The following LIPE variants were observed in gnomAD, a reference collection of about 807,000 sequenced individuals.
LIPE encodes lipase E, hormone sensitive type.
A neutral mutation model predicts 88.5 loss-of-function variants in LIPE; 66 were observed. The ratio of observed to expected loss-of-function variants is 0.75; its 90% CI spans 0.61 to 0.91. The LOEUF is 0.91. Ranked by LOEUF, LIPE falls within the 40% of genes least tolerant of loss-of-function variation. The pLI is 0.00. For missense variants in LIPE, 1,346 were observed against 1,434.7 expected (o/e 0.94, Z 1.00); for synonymous variants, 570 against 617.5 (o/e 0.92, Z 1.14).
chr19:42,421,528 G>A (rs1455686252), intron 1 of LIPE, among the ~76,000 whole-genome samples: 1 of 152,224 alleles, frequency 6.6e-6, no homozygotes, highest in Non-Finnish European at 1.5e-5. Context: ...GCCTGGCACA[G>A]CTCAGTGTTC....
Position 42,407,512 on chromosome 19 carries a change from G to C in LIPE, c.1843-44C>G, listed in dbSNP as rs1361481817. 3 of 1,588,388 alleles carry C rather than the reference G, an allele frequency of 1.9e-6. No homozygotes were observed. Among genetic ancestry groups the C allele is most frequent in the Non-Finnish European group, 1.7e-6 (2 of 1,164,088 alleles). On this transcript the variant is annotated intron_variant, in intron 5 of 9. Transcript: ENST00000244289. The surrounding 1 kb of genome is among the most constrained non-coding windows in gnomAD (Gnocchi z 5.8). The stretch of plus-strand genomic sequence containing the variant: ...ACGGTGTGTGAGGTTGGGGAGAGCT[G>C]GCCAGGGCTGCACCCCTCCATGGGG...
At chr19:42,423,276 TCC>T in intron 1 of LIPE, 1 of 498,820 alleles carries the variant, frequency 2.0e-6, no homozygotes, top group East Asian at 9.0e-5. Context: ...CAATGGATCA[TCC>T]CGTTGTCCCC....
chr19:42,423,278 C>G, intron 1 of LIPE: 1 of 513,304 alleles, frequency 1.9e-6, no homozygotes, highest in Non-Finnish European at 3.1e-6. Flanking sequence ...ATGGATCATC[C>G]CGTTGTCCCC....
In LIPE at chr19:42,406,277, A is replaced by G; in HGVS notation, c.2249T>C (p.Met750Thr). ...AYGVRVPDGI[M>T]AAYPATMLQP... Reference sequence around the variant, plus strand: ...CAGCATTGTGGCCGGGTAGGCTGCCATGATGCCATCTGGCACCCGCACCCC... The same window carrying G: ...CAGCATTGTGGCCGGGTAGGCTGCCGTGATGCCATCTGGCACCCGCACCCC... The change falls in exon 7 of 10, where the codon ATG becomes ACG. Residue 750 changes from methionine (M) to threonine (T), a missense_variant. Coordinates refer to ENST00000244289, the MANE Select transcript of LIPE (RefSeq NM_005357.4). This position sits in a 1 kb window ranked among gnomAD's most constrained non-coding sequence, Gnocchi z 5.7. The G allele has an allele frequency of 1.2e-6, 2 of 1,613,982 alleles. No individual in the cohort carries two copies. The highest frequency in any genetic ancestry group is 2.2e-5 in the East Asian group (1 of 44,864).
rs559029405 is a variant in LIPE, at chr19:42,416,492, G to T, written c.884-5650C>A. Among the ~76,000 whole-genome samples, 10 of 152,168 alleles carry T rather than the reference G, an allele frequency of 6.6e-5. No homozygotes were observed. The South Asian group carries it at 2.1e-3, about 32-fold the overall frequency. On this transcript the variant is annotated intron_variant, in intron 1 of 9. Coordinates refer to ENST00000244289, the MANE Select transcript of LIPE (RefSeq NM_005357.4). ...ATAAAACCACCAGGTATTGGAAGAA[G>T]ATGCCATCCAGGACTTTCCTAGCTG...
At chr19:42,405,953 G>C in intron 7 of LIPE, 1 of 583,874 alleles carries the variant, frequency 1.7e-6, no homozygotes. Flanking sequence ...GACACCTTGT[G>C]TCTGTCTGTC....
Position 42,408,362 on chromosome 19 carries a change from A to G in LIPE, c.1420-40T>C, listed in dbSNP as rs1048571348. On this transcript the variant is annotated intron_variant, in intron 2 of 9. Transcript: ENST00000244289. This position sits in a 1 kb window ranked among gnomAD's most constrained non-coding sequence, Gnocchi z 4.3. ...GGCTGCGTCACCCACCGCTCAAGAG[A>G]GGGATGGGGACAGGGCAGGAGCGAG... 3.9e-6 allele frequency: 6 copies of G among 1,538,778 alleles called. No individual in the cohort carries two copies. Among genetic ancestry groups the G allele is most frequent in the Admixed American group, 1.7e-5 (1 of 59,910 alleles).
rs760219502 is a variant in LIPE at position 42,402,894 on chromosome 19, T to C, written c.2680A>G (p.Met894Val). 7 of 1,613,458 alleles carry C rather than the reference T, an allele frequency of 4.3e-6. No homozygotes were observed. In the East Asian group the frequency reaches 1.1e-4, roughly 26 times the overall value. The stretch of plus-strand genomic sequence containing the variant: ...CTAAGTGTCTCAGCTGACAGCGACA[T>C]CTCGGGGGTGTCCGACGACGTCTCG... ...NSETSSDTPE[M>V]SLSAETLSPS... The change falls in exon 9 of 10, where the codon ATG becomes GTG. Residue 894 changes from methionine (M) to valine (V), a missense_variant. By Grantham distance (21) the Met-to-Val change is conservative. Coordinates refer to ENST00000244289, the MANE Select transcript of LIPE (RefSeq NM_005357.4).
rs1427399367 is a variant in LIPE, at chr19:42,402,822, C to T, written c.2752G>A (p.Ala918Thr). 2.5e-6 allele frequency: 4 copies of T among 1,613,452 alleles called. No homozygotes were observed. The highest frequency in any genetic ancestry group is 1.6e-4 in the Middle Eastern group (1 of 6,076). Residue 918 changes from alanine to threonine, a missense_variant, in exon 9 of 10, where the codon GCA (alanine) becomes ACA (threonine). Transcript: ENST00000244289. ...DVNFLLPPED[A>T]GEEAEAKNEL... ...TTTTTGGCCTCAGCCTCTTCCCCTG[C>T]ATCCTCAGGTGGTAATAAGAAGTTG...
intron 1 of LIPE, chr19:42,424,400 C>A: frequency 2.2e-6 from 1 of 456,456 alleles, no homozygotes; most frequent in Non-Finnish European, 4.4e-6. Flanking sequence ...CCAACTGCTT[C>A]TGGACCGCCT....
chr19:42,402,498 C>T (rs1415861752), intron 9 of LIPE, 109 bp downstream of exon 9: 6 of 999,382 alleles, frequency 6.0e-6, no homozygotes, highest in African/African-American at 3.3e-5. Context: ...GTCCCTTTCT[C>T]CCCACTCCGG....
intron 1 of LIPE, chr19:42,411,441 A>T: frequency 2.0e-6 from 1 of 508,356 alleles, no homozygotes; most frequent in Non-Finnish European, 2.5e-6. Flanking sequence ...CGGGTCCCCC[A>T]TCCCATCTTT....
Position 42,402,958 on chromosome 19 carries a change from C to G in LIPE, c.2616G>C (p.Lys872Asn). The G allele has an allele frequency of 6.2e-7, 1 of 1,607,624 alleles. No individual in the cohort carries two copies. The highest frequency in any genetic ancestry group is 1.1e-5 in the South Asian group (1 of 91,034). ...PQGPLGTDSL[K>N]NLTLRDLSLR... ...GGCTCAAGTCCCTCAGGGTCAGGTT[C>G]TTGAGGGAATCCGTGCCCAGTGGGC... The change falls in exon 9 of 10, where the codon AAG (lysine) becomes AAC (asparagine). Residue 872 changes from lysine (K) to asparagine (N), a missense_variant. Lys to Asn is a moderately conservative substitution (Grantham distance 94). Coordinates refer to ENST00000244289, the MANE Select transcript of LIPE (RefSeq NM_005357.4).
At chr19:42,402,513 C>CT in intron 9 of LIPE, 94 bp downstream of exon 9, 2 of 1,198,674 alleles carry the variant, frequency 1.7e-6, no homozygotes, top group Non-Finnish European at 2.2e-6. Flanking sequence ...CTCCGGAGCT[C>CT]TTTTTCCCAG....
At chr19:42,424,818 T>C (rs1308307906) in intron 1 of LIPE, 1 of 354,322 alleles carries the variant, frequency 2.8e-6, no homozygotes, top group African/African-American at 2.2e-5. Context: ...GTTTTGAGCC[T>C]AGAGAAGGAA....
At chr19:42,421,570 T>C (rs538511736) in intron 1 of LIPE, among the ~76,000 whole-genome samples, 1 of 152,354 alleles carries the variant, frequency 6.6e-6, no homozygotes, top group Admixed American at 6.5e-5. Context: ...TCTGTGTGAC[T>C]GGAACCTCTT....
In LIPE at chr19:42,408,224, G is replaced by T; in HGVS notation, c.1510+8C>A. On this transcript the variant is annotated splice_region_variant and intron_variant, in intron 3 of 9. Coordinates refer to ENST00000244289, the MANE Select transcript of LIPE (RefSeq NM_005357.4). This position sits in a 1 kb window ranked among gnomAD's most constrained non-coding sequence, Gnocchi z 4.3. ...GTAGGCTGCGAGTAGAACCTGGCTG[G>T]GACTCACTGAGGCCTGTCTCGTTGC... 1 of 1,613,950 alleles carries T rather than the reference G, an allele frequency of 6.2e-7. No individual in the cohort carries two copies. The highest frequency in any genetic ancestry group is 8.5e-7 in the Non-Finnish European group (1 of 1,179,874).
At chr19:42,402,243 G>A (rs1375453744) in intron 9 of LIPE, among the ~76,000 whole-genome samples, 168 bp from the exon 10 acceptor site, 17 of 152,134 alleles carry the variant, frequency 1.1e-4, no homozygotes, top group Non-Finnish European at 1.5e-5. Context: ...GAGAATGGAG[G>A]GAATGGGGGG....
chr19:42,412,643 C>T, intron 1 of LIPE: 1 of 865,142 alleles, frequency 1.2e-6, no homozygotes, highest in Non-Finnish European at 1.4e-6. Context: ...TCCACACCCA[C>T]AGCCCCTCCT....
Sources: gnomAD v4.1 joint callset for allele counts (sites outside exome capture counted in the v4.1 genomes callset) on GRCh38, gnomAD v4.1.1 for gene constraint, Gnocchi (gnomAD v3.1) non-coding constraint, MANE v1.5 for transcripts, NCBI Gene and HGNC (gene_info 2026-07-23, HGNC 2026-07-21) for gene names.